ZNF831: variants seen among roughly 807,000 people sequenced by gnomAD.
The protein encoded by ZNF831 is chromosome 20 open reading frame 174.
A neutral mutation model predicts 95.8 loss-of-function variants in ZNF831; 59 were observed. The ratio of observed to expected loss-of-function variants is 0.62; its 90% CI spans 0.50 to 0.77. The LOEUF is 0.77. ZNF831 is among the 30% of genes least tolerant of loss of function. ZNF831 has a pLI of 0.00. For missense variants in ZNF831, 2,205 were observed against 2,164.0 expected (o/e 1.02, Z -0.38); for synonymous variants, 961 against 925.5 (o/e 1.04, Z -0.70).
intron 4 of ZNF831, among the ~76,000 whole-genome samples, chr20:59,232,401 G>A (rs1986775427): frequency 2.0e-5 from 3 of 151,916 alleles, no homozygotes; most frequent in African/African-American, 7.3e-5. Flanking sequence ...CGCTCATGGG[G>A]GTAGGAGGAA....
intron 4 of ZNF831, among the ~76,000 whole-genome samples, chr20:59,241,846 A>G (rs1987356386): frequency 6.6e-6 from 1 of 152,206 alleles, no homozygotes; most frequent in African/African-American, 2.4e-5. Flanking sequence ...ACTTTCCTCT[A>G]CGCCACAAAA....
In ZNF831 at chr20:59,193,170, A is replaced by C. The variant is rs1319508468; in HGVS notation, c.2151A>C (p.Arg717Ser). The change falls in exon 2 of 6, where the codon AGA becomes AGC. Residue 717 changes from arginine to serine, a missense_variant. Physicochemically the swap from Arg to Ser is moderately radical, Grantham distance 110. Coordinates refer to ENST00000371030, the MANE Select transcript of ZNF831 (RefSeq NM_178457.3). ...AGCATGGGGAGACGGTGGCCAGGAG[A>C]GGAGACAGTGACCGACCCAGGGTGG... ...PTKHGETVAR[R>S]GDSDRPRVEE... 2 of 1,575,418 alleles carry C rather than the reference A, an allele frequency of 1.3e-6. No homozygotes were observed. Among genetic ancestry groups the C allele is most frequent in the East Asian group, 2.4e-5 (1 of 42,340 alleles).
rs779731526 is a variant in ZNF831 at position 59,191,169 on chromosome 20, C to G, written c.150C>G (p.Pro50=). 1.1e-5 allele frequency: 18 copies of G among 1,602,330 alleles called. No individual in the cohort carries two copies. The East Asian group carries it at 3.6e-4, about 32-fold the overall frequency. The stretch of plus-strand genomic sequence containing the variant: ...TGCCGCCAGAGCAGGGCCTGGCCCC[C>G]CCCACTGTGTTCCTGAAGGCCCTGC... The part of the protein sequence containing the change: ...VLLPPEQGLA[P]PTVFLKALPI... Residue 50 remains proline, a synonymous_variant, in exon 2 of 6, where the codon CCC becomes CCG. Coordinates refer to ENST00000371030, the MANE Select transcript of ZNF831 (RefSeq NM_178457.3).
chr20:59,239,377 T>C (rs1987183054), intron 4 of ZNF831, among the ~76,000 whole-genome samples: 1 of 152,208 alleles, frequency 6.6e-6, no homozygotes, highest in Non-Finnish European at 1.5e-5. Context: ...AGCTGTGTAT[T>C]CTTTTGTGAT....
intron 1 of ZNF831, among the ~76,000 whole-genome samples, chr20:59,130,340 G>A (rs556081501): frequency 4.6e-5 from 7 of 152,228 alleles, no homozygotes; most frequent in South Asian, 4.2e-4. Context: ...GTGAACTGTC[G>A]TAGCCATTGG....
chr20:59,172,300 G>A (rs536947748), intron 1 of ZNF831, among the ~76,000 whole-genome samples: 1 of 152,230 alleles, frequency 6.6e-6, no homozygotes, highest in Non-Finnish European at 1.5e-5. Flanking sequence ...CCCGTGGCAC[G>A]CTCACCTTCT....
rs1988209119 is a variant in ZNF831, at chr20:59,256,813, A to C, written c.*2070A>C. ...GCTGTGAAGAACCTGAGCCTGAAGA[A>C]GCTCCATCTAATTTTTTCCCCAGAG... is the stretch of plus-strand genomic sequence containing the variant. On this transcript the variant is annotated 3_prime_UTR_variant, in exon 6 of 6. Coordinates refer to ENST00000371030, the MANE Select transcript of ZNF831 (RefSeq NM_178457.3). 1.3e-5 allele frequency: 2 copies of C among 152,260 alleles called. No individual in the cohort carries two copies. Among genetic ancestry groups the C allele is most frequent in the South Asian group, 2.1e-4 (1 of 4,834 alleles). 9.4% of individuals were successfully genotyped at this position (152,260 alleles called of 1,614,324 possible).
upstream of ZNF831, among the ~76,000 whole-genome samples, chr20:59,161,431 C>T (rs1449988351): frequency 2.0e-5 from 3 of 152,098 alleles, no homozygotes; most frequent in Admixed American, 2.0e-4. Flanking sequence ...GTGTGCACCA[C>T]CACACCCGGC....
chr20:59,168,543 A>T (rs1466048563), intron 1 of ZNF831, among the ~76,000 whole-genome samples: 2 of 129,914 alleles, frequency 1.5e-5, no homozygotes, highest in Non-Finnish European at 1.6e-5. Flanking sequence ...TTATTTTTTC[A>T]TTTCCTGCTT....
intron 1 of ZNF831, among the ~76,000 whole-genome samples, chr20:59,166,015 G>T (rs1330520757): frequency 1.3e-5 from 2 of 152,190 alleles, no homozygotes; most frequent in Admixed American, 6.5e-5. Flanking sequence ...GCCTCCCAAA[G>T]TGCTGAGATT....
At chr20:59,205,479 C>A (rs1387386813) in intron 3 of ZNF831, among the ~76,000 whole-genome samples, 2 of 152,214 alleles carry the variant, frequency 1.3e-5, no homozygotes, top group African/African-American at 4.8e-5. Flanking sequence ...TTGAGGGGAG[C>A]TTCTCCCAAA....
intron 1 of ZNF831, among the ~76,000 whole-genome samples, chr20:59,178,990 C>T (rs931443238): frequency 3.9e-4 from 59 of 152,266 alleles, no homozygotes; most frequent in African/African-American, 1.3e-3. Flanking sequence ...GTCCTTTTAC[C>T]CATCCTCCAC....
intron 5 of ZNF831, 28 bp from the exon 6 acceptor site, chr20:59,253,870 T>TTTTTTTTCCTTTG: frequency 2.1e-6 from 1 of 474,068 alleles, no homozygotes; most frequent in East Asian, 8.7e-5. Flanking sequence ...CCCCCCCCAC[T>TTTTTTTTCCTTTG]TTTTTTTTCC....
chr20:59,207,905 G>A (rs1985012726), intron 4 of ZNF831, among the ~76,000 whole-genome samples: 1 of 152,170 alleles, frequency 6.6e-6, no homozygotes, highest in Non-Finnish European at 1.5e-5. Context: ...ATCCTTTGCT[G>A]GGGCAACTCT....
At position 59,193,362 on chromosome 20, in the gene ZNF831, G is replaced by A. The variant is rs61743781; in HGVS notation, c.2343G>A (p.Pro781=). Residue 781 remains proline (P), a synonymous_variant, in exon 2 of 6, where the codon CCG becomes CCA. Coordinates refer to ENST00000371030, the MANE Select transcript of ZNF831 (RefSeq NM_178457.3). ...GDVEAPRPVW[P]DPKLEGGARG... is the part of the protein sequence containing the mutation. ...TAGAGGCTCCCAGGCCAGTTTGGCCGGACCCCAAGCTGGAAGGAGGTGCCC... is the reference window on the plus strand; with the variant it reads ...TAGAGGCTCCCAGGCCAGTTTGGCCAGACCCCAAGCTGGAAGGAGGTGCCC... 16,984 of 1,609,484 alleles carry A rather than the reference G, an allele frequency of 0.011. 114 individuals carry two copies. The highest frequency in any genetic ancestry group is 0.028 in the African/African-American group (2,079 of 74,882).
chr20:59,188,667 T>TAAAC (rs1011849689), intron 1 of ZNF831, among the ~76,000 whole-genome samples: 6 of 151,692 alleles, frequency 4.0e-5, no homozygotes, highest in African/African-American at 1.5e-4. Flanking sequence ...AATAAATAAA[T>TAAAC]AAATAAATAA....
rs73915991 is a variant in ZNF831 at position 59,253,079 on chromosome 20, A to G, written c.4129A>G (p.Thr1377Ala). ...KEGDCRQTLG[T>A]LSLGTSSRIV... The stretch of plus-strand genomic sequence containing the variant: ...AGGTGACTGCAGACAAACCTTAGGA[A>G]CCCTCTCTCTTGGTACAAGTTCAAG... The change falls in exon 5 of 6, where the codon ACC becomes GCC. Residue 1377 changes from threonine (T) to alanine (A), a missense_variant. Transcript: ENST00000371030. The G allele has an allele frequency of 2.6e-3, 4,217 of 1,614,082 alleles. 42 individuals are homozygous for G. Among genetic ancestry groups the G allele is most frequent in the African/African-American group, 0.017 (1,310 of 75,010 alleles).
rs1985773911 is a variant in ZNF831, at chr20:59,217,478, A to G, written c.4027+10422A>G. Among the ~76,000 whole-genome samples the G allele has an allele frequency of 6.6e-6, 1 of 152,210 alleles. No homozygotes were observed. Among genetic ancestry groups the G allele is most frequent in the South Asian group, 2.1e-4 (1 of 4,832 alleles). ...GCTCTAGGGAATAACCAAGAAGAGA[A>G]ATTGCTGGGTCTTTGAGTGTTGTGT... On this transcript the variant is annotated intron_variant, in intron 4 of 5. Coordinates refer to ENST00000371030, the MANE Select transcript of ZNF831 (RefSeq NM_178457.3). The surrounding 1 kb of genome is among the most constrained non-coding windows in gnomAD (Gnocchi z 4.4).
Position 59,193,375 on chromosome 20 carries a change from G to T in ZNF831, c.2356G>T (p.Glu786Ter). ...GCCAGTTTGGCCGGACCCCAAGCTGGAAGGAGGTGCCCGAGGTGTGGGGGA... is the reference window on the plus strand; with the variant it reads ...GCCAGTTTGGCCGGACCCCAAGCTGTAAGGAGGTGCCCGAGGTGTGGGGGA... The part of the protein sequence containing the change: ...PRPVWPDPKL[E>*]GGARGVGDVQ... Residue 786 changes from glutamate to a stop codon, truncating the protein, a stop_gained, in exon 2 of 6, where the codon GAA (glutamate) becomes TAA (stop). Transcript: ENST00000371030. LOFTEE classifies it high-confidence loss of function. 6.2e-7 allele frequency: 1 copy of T among 1,607,846 alleles called. No homozygotes were observed. The highest frequency in any genetic ancestry group is 8.5e-7 in the Non-Finnish European group (1 of 1,176,918).
Sources: allele counts gnomAD v4.1 joint callset (sites outside exome capture counted in the v4.1 genomes callset), GRCh38; gene constraint gnomAD v4.1.1; non-coding constraint Gnocchi (gnomAD v3.1); transcripts MANE v1.5; gene names NCBI Gene and HGNC (gene_info 2026-07-23, HGNC 2026-07-21).